The following MED13 variants were observed in gnomAD, a reference collection of about 807,000 sequenced individuals.
The protein encoded by MED13 is mediator complex subunit 13.
Under a neutral mutation model 225.2 loss-of-function variants are expected in MED13, and 23 were observed. That is an observed-to-expected ratio of 0.10 (90% CI 0.07 to 0.14). The LOEUF is 0.14. Ranked by LOEUF, MED13 falls within the 10% of genes least tolerant of loss-of-function variation. The probability of loss-of-function intolerance (pLI) is 1.00; values close to 1 mark genes in which losing one functional copy is unlikely to be tolerated. For missense variants in MED13, 2,197 were observed against 2,594.5 expected, an observed-to-expected ratio of 0.85 and a Z score of 3.33; for synonymous variants, 942 against 889.2, an observed-to-expected ratio of 1.06 and a Z score of -1.06.
chr17:61,947,045 T>C (rs1476306200), intron 28 of MED13, 28 bp from the exon 29 acceptor site: 1 of 1,498,350 alleles, frequency 6.7e-7, no homozygotes. Context: ...AATCAATCAG[T>C]CAGCCAAACA....
At chr17:61,966,350 TACATAA>T (rs2080057649) in intron 19 of MED13, 106 bp downstream of exon 19, 3 of 852,946 alleles carry the variant, frequency 3.5e-6, no homozygotes, top group Non-Finnish European at 5.4e-6. Context: ...CCAGAGAAAA[TACATAA>T]ATGAGGATGG....
rs2079891287 is a variant in MED13, at chr17:61,950,936, C to T, written c.6180G>A (p.Gln2060=). 3 of 1,613,746 alleles carry T rather than the reference C, an allele frequency of 1.9e-6. No individual in the cohort carries two copies. The highest frequency in any genetic ancestry group is 2.2e-5 in the South Asian group (2 of 91,072). ...EPHEEVPNIL[Q]QPLALGYFVS... is the part of the protein sequence containing the mutation. ...CAAAGTAACCAAGGGCCAATGGTTG[C>T]TGAAGAATATTAGGTACTTCCTCAT... The change falls in exon 28 of 30, where the codon CAG becomes CAA. Residue 2060 remains glutamine, a synonymous_variant. Transcript: ENST00000397786.
At chr17:62,058,284 C>T (rs1205331954) in intron 2 of MED13, among the ~76,000 whole-genome samples, 4 of 152,014 alleles carry the variant, frequency 2.6e-5, no homozygotes, top group Non-Finnish European at 2.9e-5. Context: ...GAGGCTGAGG[C>T]GGGCAGATCA....
chr17:62,024,716 T>G (rs760183504), intron 8 of MED13, among the ~76,000 whole-genome samples: 2 of 152,222 alleles, frequency 1.3e-5, no homozygotes, highest in Non-Finnish European at 2.9e-5. Context: ...ACCCAGTGTC[T>G]GTTGTTCCCT....
chr17:62,002,800 A>ATACT (rs2080408275), intron 9 of MED13, among the ~76,000 whole-genome samples: 1 of 152,248 alleles, frequency 6.6e-6, no homozygotes, highest in African/African-American at 2.4e-5. Context: ...GAATCTCCCC[A>ATACT]ATGAAGTCAA....
At position 61,962,945 on chromosome 17, in the gene MED13, A is replaced by G; in HGVS notation, c.4871T>C (p.Ile1624Thr). 1 of 1,614,086 alleles carries G rather than the reference A, an allele frequency of 6.2e-7. No individual in the cohort carries two copies. The highest frequency in any genetic ancestry group is 8.5e-7 in the Non-Finnish European group (1 of 1,180,012). The change falls in exon 21 of 30, where the codon ATC becomes ACC. Residue 1624 changes from isoleucine (I) to threonine (T), a missense_variant. Ile to Thr is a moderately conservative substitution (Grantham distance 89). Transcript: ENST00000397786. ...ESTMDRDKVG[I>T]PTDGDSHAVT... The stretch of plus-strand genomic sequence containing the variant: ...TGCATGTGAATCACCATCTGTGGGG[A>G]TTCCCACTTTATCCCGATCCATCGT...
intron 9 of MED13, among the ~76,000 whole-genome samples, chr17:61,996,476 C>G (rs545709241): frequency 1.3e-5 from 2 of 152,050 alleles, no homozygotes; most frequent in South Asian, 2.1e-4. Context: ...TCATCTTGTT[C>G]TTCTCCTCTT....
Position 61,956,499 on chromosome 17 carries a change from A to G in MED13, c.5481-18T>C. The G allele has an allele frequency of 1.3e-6, 2 of 1,588,626 alleles. No homozygotes were observed. Among genetic ancestry groups the G allele is most frequent in the Non-Finnish European group, 1.7e-6 (2 of 1,172,232 alleles). The stretch of plus-strand genomic sequence containing the variant: ...GACGAGCCCTATTGTGTGAATAAAG[A>G]GAGTGTCATAAATATTTCTAAAATT... On this transcript the variant is annotated intron_variant, in intron 23 of 29. Transcript: ENST00000397786.
chr17:62,011,084 T>C lies in MED13; in HGVS notation c.1433A>G (p.His478Arg), dbSNP rs2080503985. 4.3e-6 allele frequency: 7 copies of C among 1,614,214 alleles called. No individual in the cohort carries two copies. Among genetic ancestry groups the C allele is most frequent in the Non-Finnish European group, 5.9e-6 (7 of 1,180,040 alleles). ...AACATCATCACTAACAGACACACGATGGTGAAAAGGAGTCAAGGGGCGTTT... is the reference window on the plus strand; with the variant it reads ...AACATCATCACTAACAGACACACGACGGTGAAAAGGAGTCAAGGGGCGTTT... ...PQKRPLTPFHHRVSVSDDVGM... is the reference protein window; with the variant it reads ...PQKRPLTPFHRRVSVSDDVGM... Residue 478 changes from histidine (H) to arginine (R), a missense_variant, in exon 9 of 30, where the codon CAT becomes CGT. Coordinates refer to ENST00000397786, the MANE Select transcript of MED13 (RefSeq NM_005121.3).
intron 6 of MED13, 65 bp from the exon 7 acceptor site, chr17:62,030,078 G>T: frequency 1.5e-6 from 2 of 1,322,578 alleles, no homozygotes; most frequent in Non-Finnish European, 2.0e-6. Flanking sequence ...ACATTATTTG[G>T]GTTTTTTATT....
At chr17:61,946,790 T>C in intron 29 of MED13, 127 bp downstream of exon 29, 1 of 1,078,896 alleles carries the variant, frequency 9.3e-7, no homozygotes, top group Non-Finnish European at 1.4e-6. Flanking sequence ...AGAATAGCAG[T>C]GTTTATCTAG....
chr17:62,037,377 G>A (rs933133585), intron 3 of MED13, among the ~76,000 whole-genome samples: 13 of 151,914 alleles, frequency 8.6e-5, no homozygotes, highest in Non-Finnish European at 2.9e-5. Flanking sequence ...AGAAAGCAGT[G>A]ACAATGGCTG....
chr17:61,948,592 A>G (rs2079869697), intron 28 of MED13, among the ~76,000 whole-genome samples: 1 of 151,886 alleles, frequency 6.6e-6, no homozygotes, highest in South Asian at 2.1e-4. Context: ...ACCCTCCCAA[A>G]GGACCAAAGA....
chr17:62,047,136 C>T (rs1310423086), intron 3 of MED13, among the ~76,000 whole-genome samples: 2 of 151,804 alleles, frequency 1.3e-5, no homozygotes, highest in African/African-American at 2.4e-5. Flanking sequence ...TTTGGGAGGC[C>T]GACATGGGCG....
chr17:62,058,536 A>AG (rs1329335093), intron 2 of MED13, among the ~76,000 whole-genome samples: 5 of 151,022 alleles, frequency 3.3e-5, no homozygotes, highest in African/African-American at 1.2e-4. Context: ...AAAAAAAAAA[A>AG]AAAAAAGAAA....
chr17:61,986,964 A>C, intron 12 of MED13, 43 bp downstream of exon 12: 1 of 1,354,954 alleles, frequency 7.4e-7, no homozygotes, highest in Non-Finnish European at 9.8e-7. Context: ...TAATAAAATC[A>C]AGGAAAACAA....
intron 10 of MED13, among the ~76,000 whole-genome samples, chr17:61,994,077 C>T (rs1206690774): frequency 1.3e-5 from 2 of 151,828 alleles, no homozygotes; most frequent in Non-Finnish European, 2.9e-5. Context: ...CAGCTCACTG[C>T]AACTTCTGCC....
chr17:61,975,825 G>C (rs2080150651), intron 16 of MED13, among the ~76,000 whole-genome samples: 1 of 152,142 alleles, frequency 6.6e-6, no homozygotes. Flanking sequence ...AGACCAGCCT[G>C]GCCAACATGG....
intron 8 of MED13, among the ~76,000 whole-genome samples, chr17:62,015,964 T>A (rs1372843523): frequency 0.014 from 381 of 27,134 alleles, 17 homozygotes; most frequent in East Asian, 0.078. Flanking sequence ...ATTTTTTTTT[T>A]TTTTTTTTTT....
Sources: allele counts gnomAD v4.1 joint callset (sites outside exome capture counted in the v4.1 genomes callset), GRCh38; gene constraint gnomAD v4.1.1; transcripts MANE v1.5; gene names NCBI Gene and HGNC (gene_info 2026-07-23, HGNC 2026-07-21).